CD33: variants seen among roughly 807,000 people sequenced by gnomAD.
CD33 encodes myeloid cell surface antigen CD33.
Under a neutral mutation model 31.4 loss-of-function variants are expected in CD33, and 25 were observed. The observed-to-expected ratio is 0.80, with a 90% CI of 0.58 to 1.11. The LOEUF (loss-of-function observed/expected upper bound fraction) is 1.11. Ranked by LOEUF, CD33 falls within the 50% of genes most tolerant of loss-of-function variation. The pLI is 0.00. For missense variants in CD33, 407 were observed against 448.1 expected, an observed-to-expected ratio of 0.91 and a Z score of 0.83; for synonymous variants, 176 against 180.6, an observed-to-expected ratio of 0.97 and a Z score of 0.20.
chr19:51,235,664 G>A lies in CD33; in HGVS notation c.912G>A (p.Gly304=), dbSNP rs776889535. 2 of 1,613,474 alleles carry A rather than the reference G, an allele frequency of 1.2e-6. No individual in the cohort carries two copies. Among genetic ancestry groups the A allele is most frequent in the East Asian group, 4.5e-5 (2 of 44,866 alleles). The change falls in exon 6 of 7, where the codon GGG becomes GGA. Residue 304 remains glycine (G), a synonymous_variant. Coordinates refer to ENST00000262262, the MANE Select transcript of CD33 (RefSeq NM_001772.4). ...VGRNDTHPTT[G]SASPKHQKKS... is the part of the protein sequence containing the mutation. ...GGAATGACACCCACCCTACCACAGGGTCAGCCTCCCCGGTGAGTGATGGGG... is the reference window on the plus strand; with the variant it reads ...GGAATGACACCCACCCTACCACAGGATCAGCCTCCCCGGTGAGTGATGGGG...
rs972284489 is a variant in CD33 at position 51,235,010 on chromosome 19, C to A, written c.746-147C>A. On this transcript the variant is annotated intron_variant, in intron 4 of 6. Coordinates refer to ENST00000262262, the MANE Select transcript of CD33 (RefSeq NM_001772.4). ...GTGTACTTCATCTCATGGTCGTGGT[C>A]AATATTGATGTCTATGATGGGTGGG... 1.1e-5 allele frequency: 7 copies of A among 635,110 alleles called. No homozygotes were observed. The Admixed American group carries it at 1.3e-4, about 12-fold the overall frequency. 39.3% of individuals were successfully genotyped at this position (635,110 alleles called of 1,614,324 possible). A position where few individuals can be genotyped will look rare whatever the true frequency, so the allele number is the denominator to read the frequency against.
At chr19:51,224,876 A>G (rs1980870605), upstream of CD33, among the ~76,000 whole-genome samples, 1 of 152,152 alleles carries the variant, frequency 6.6e-6, no homozygotes, top group Non-Finnish European at 1.5e-5. Context: ...CTGGAAGGCA[A>G]GACTCAGATT....
chr19:51,229,471 AT>A (rs985823119), intron 4 of CD33, among the ~76,000 whole-genome samples: 2 of 151,484 alleles, frequency 1.3e-5, no homozygotes, highest in Admixed American at 6.6e-5. Flanking sequence ...AGTTGGCATA[AT>A]TTTTTTTTCT....
chr19:51,228,701 T>C (rs1981207300), intron 4 of CD33, among the ~76,000 whole-genome samples: 1 of 146,432 alleles, frequency 6.8e-6, no homozygotes, highest in Admixed American at 7.0e-5. Flanking sequence ...TTGTTTTGTT[T>C]TTGAGATGGA....
chr19:51,216,684 T>C, the CD33 span, among the ~76,000 whole-genome samples: 3 of 150,770 alleles, frequency 2.0e-5, no homozygotes, highest in African/African-American at 7.3e-5. Context: ...AAAAAAAAGA[T>C]ATTCTGAAGA....
chr19:51,232,855 C>A (rs553605985), intron 4 of CD33, among the ~76,000 whole-genome samples: 1 of 152,294 alleles, frequency 6.6e-6, no homozygotes, highest in South Asian at 2.1e-4. Context: ...GGCATATCTG[C>A]TGGAGGTGCC....
At chr19:51,212,380 G>A in the CD33 span, among the ~76,000 whole-genome samples, 4 of 152,192 alleles carry the variant, frequency 2.6e-5, no homozygotes, top group African/African-American at 7.2e-5. Context: ...CCCTCCTTGG[G>A]AAGAGGAGAC....
intron 4 of CD33, among the ~76,000 whole-genome samples, chr19:51,228,113 C>G (rs1195813748): frequency 1.3e-5 from 2 of 152,144 alleles, no homozygotes; most frequent in Non-Finnish European, 2.9e-5. Context: ...GTTTTGGTTA[C>G]TACAGCTTTG....
chr19:51,212,051 C>G, the CD33 span: 6 of 832,366 alleles, frequency 7.2e-6, no homozygotes, highest in Non-Finnish European at 9.8e-6. Flanking sequence ...CGGAGAGAAC[C>G]ATCCAACTCA....
rs1221839258 is a variant in CD33 at position 51,239,588 on chromosome 19, T to G, written c.995T>G (p.Val332Gly). The G allele has an allele frequency of 1.2e-6, 2 of 1,613,882 alleles. No individual in the cohort carries two copies. Among genetic ancestry groups the G allele is most frequent in the South Asian group, 2.2e-5 (2 of 90,992 alleles). The change falls in exon 7 of 7, where the codon GTG becomes GGG. Residue 332 changes from valine to glycine, a missense_variant. Physicochemically the swap from Val to Gly is moderately radical, Grantham distance 109. Transcript: ENST00000262262. ...TSSCSGAAPTVEMDEELHYAS... is the reference protein window; with the variant it reads ...TSSCSGAAPTGEMDEELHYAS... ...AGCTGTTCAGGTGCCGCCCCTACTG[T>G]GGAGATGGATGAGGAGCTGCATTAT...
chr19:51,214,131 A>T, the CD33 span, among the ~76,000 whole-genome samples: 1 of 144,808 alleles, frequency 6.9e-6, no homozygotes, highest in Non-Finnish European at 1.5e-5. Context: ...AAGTGCTGGG[A>T]TTACAGGCAT....
In CD33 at chr19:51,239,339, C is replaced by T. The variant is rs185721468; in HGVS notation, c.925-179C>T. 2.9e-4 allele frequency: 137 copies of T among 466,378 alleles called. 1 individual carries two copies. The Admixed American group carries it at 4.7e-3, about 16-fold the overall frequency. The allele number at this position is 466,378 out of a possible 1,614,324, so 28.9% of individuals were successfully genotyped here. On this transcript the variant is annotated intron_variant, in intron 6 of 6. Transcript: ENST00000262262. ...CAAGAGAATTGCGAATCAATCAATA[C>T]GTGCTACATGTGTTAGATAATGAAT...
At chr19:51,231,946 G>A (rs1981456450) in intron 4 of CD33, among the ~76,000 whole-genome samples, 1 of 151,974 alleles carries the variant, frequency 6.6e-6, no homozygotes, top group East Asian at 1.9e-4. Context: ...TCTTGTAGAG[G>A]TAGGGTGTTG....
intron 6 of CD33, chr19:51,235,985 CGT>C (rs1981772695): frequency 1.6e-6 from 1 of 633,492 alleles, no homozygotes; most frequent in Non-Finnish European, 2.9e-6. Flanking sequence ...GGTGAAACCC[CGT>C]CTCTACTAAA....
chr19:51,218,564 G>T, the CD33 span, among the ~76,000 whole-genome samples: 2 of 151,954 alleles, frequency 1.3e-5, no homozygotes, highest in Non-Finnish European at 2.9e-5. Context: ...TGTTTTGTTG[G>T]ATTTGCTTTG....
the CD33 span, among the ~76,000 whole-genome samples, chr19:51,213,899 G>A: frequency 3.1e-5 from 4 of 130,760 alleles, no homozygotes; most frequent in East Asian, 4.3e-4. Context: ...TCGCTCTGTC[G>A]CCCAGGCTTG....
At chr19:51,214,627 T>C in the CD33 span, among the ~76,000 whole-genome samples, 34 of 152,232 alleles carry the variant, frequency 2.2e-4, no homozygotes, top group Admixed American at 7.9e-4. Context: ...TATTTATATC[T>C]TTTGGTAAAA....
At chr19:51,223,016 T>C (rs1980757677), upstream of CD33, among the ~76,000 whole-genome samples, 1 of 152,064 alleles carries the variant, frequency 6.6e-6, no homozygotes, top group African/African-American at 2.4e-5. Context: ...GAGTTCAAGA[T>C]CAGCCTGGGG....
At chr19:51,225,068 C>T (rs368178216), upstream of CD33, 6 of 1,610,632 alleles carry the variant, frequency 3.7e-6, no homozygotes, top group African/African-American at 1.3e-5. Flanking sequence ...CCCTCCACTC[C>T]CTTCCTCTTT....
Sources: allele counts gnomAD v4.1 joint callset (sites outside exome capture counted in the v4.1 genomes callset), GRCh38; gene constraint gnomAD v4.1.1; transcripts MANE v1.5; gene names NCBI Gene and HGNC (gene_info 2026-07-23, HGNC 2026-07-21).